Variants in ZFHX3 observed in about 807,000 individuals in gnomAD.
ZFHX3 encodes the protein zinc finger homeobox protein 3.
ZFHX3 carries 42 observed loss-of-function variants against 279.1 expected under a neutral mutation model. The observed-to-expected ratio is 0.15, with a 90% CI of 0.12 to 0.19. The LOEUF (loss-of-function observed/expected upper bound fraction) is 0.19. ZFHX3 is among the 10% of genes least tolerant of loss of function. The pLI is 1.00. For synonymous variants in ZFHX3, 2,293 were observed against 1,957.8 expected, an observed-to-expected ratio of 1.17 and a Z score of -4.52; for missense variants, 4,981 against 4,754.0, an observed-to-expected ratio of 1.05 and a Z score of -1.40.
chr16:72,928,230 G>T lies in ZFHX3; in HGVS notation c.3216+22239C>A, dbSNP rs113101109. Reference sequence around the variant, plus strand: ...GGGGAGCGAAGGGGAGCGAGGGGGAGCGAGAGAGGAAAGGGCTTAAGGGGA... The same window carrying T: ...GGGGAGCGAAGGGGAGCGAGGGGGATCGAGAGAGGAAAGGGCTTAAGGGGA... On this transcript the variant is annotated intron_variant, in intron 3 of 9. Transcript: ENST00000268489. Among the ~76,000 whole-genome samples, 25 of 81,652 alleles carry T rather than the reference G, an allele frequency of 3.1e-4. 4 individuals are homozygous for T. The highest frequency in any genetic ancestry group is 2.8e-3 in the East Asian group (11 of 3,980). 53.6% of individuals were successfully genotyped at this position (81,652 alleles called of 152,430 possible).
chr16:73,186,680 A>ATC (rs2144884052), intron 5 of ZFHX3, among the ~76,000 whole-genome samples: 1 of 151,822 alleles, frequency 6.6e-6, no homozygotes, highest in African/African-American at 2.4e-5. Flanking sequence ...TGTTTCATCC[A>ATC]TCCTATATTT....
At chr16:72,864,341 T>C (rs1291712184) in intron 4 of ZFHX3, among the ~76,000 whole-genome samples, 2 of 152,152 alleles carry the variant, frequency 1.3e-5, no homozygotes, top group African/African-American at 4.8e-5. Context: ...ACCTGGCACA[T>C]GGGAAGCTTC....
At position 73,047,737 on chromosome 16, in the gene ZFHX3, G is replaced by C. The variant is rs1261395699; in HGVS notation, c.-50+15C>G. The C allele has an allele frequency of 1.3e-5, 2 of 152,508 alleles. No homozygotes were observed. Among genetic ancestry groups the C allele is most frequent in the Non-Finnish European group, 2.9e-5 (2 of 68,290 alleles). The allele number at this position is 152,508 out of a possible 1,614,324, so 9.4% of individuals were successfully genotyped here. On this transcript the variant is annotated intron_variant, in intron 1 of 9. Coordinates refer to ENST00000268489, the MANE Select transcript of ZFHX3 (RefSeq NM_006885.4). ...CCAGGCCGGCTGCGCGGACCCGGAG[G>C]GAGGCTGCACTCACCTGGCACACCA...
chr16:73,332,173 T>C lies in ZFHX3; in HGVS notation c.-1290-13837A>G, dbSNP rs547544720. Among the ~76,000 whole-genome samples, 34 of 152,238 alleles carry C rather than the reference T, an allele frequency of 2.2e-4. 1 individual carries two copies. The South Asian group carries it at 7.0e-3, about 32-fold the overall frequency. The stretch of plus-strand genomic sequence containing the variant: ...CAGTATCCTGAAAAAGTTGACTACA[T>C]AATAAAACCAGATGATGATAAAAAC... On this transcript the variant is annotated intron_variant, in intron 3 of 17. Transcript: ENST00000641206.
intron 4 of ZFHX3, among the ~76,000 whole-genome samples, chr16:73,278,581 A>G (rs570519262): frequency 3.8e-4 from 58 of 152,360 alleles, no homozygotes; most frequent in African/African-American, 1.3e-3. Flanking sequence ...CTGAGCGAGT[A>G]GGAGGTGCTG....
intron 2 of ZFHX3, among the ~76,000 whole-genome samples, chr16:73,507,805 C>A (rs1567504525): frequency 6.6e-6 from 1 of 152,108 alleles, no homozygotes; most frequent in Non-Finnish European, 1.5e-5. Flanking sequence ...CTGGCCTCTG[C>A]CACTTTTTAC....
chr16:73,731,023 T>C (rs1317723845), intron 1 of ZFHX3, among the ~76,000 whole-genome samples: 1 of 152,174 alleles, frequency 6.6e-6, no homozygotes, highest in Non-Finnish European at 1.5e-5. Context: ...GTCAAACTAA[T>C]TTGAAAGGGC....
At chr16:73,847,084 C>G (rs1374292493) in intron 1 of ZFHX3, among the ~76,000 whole-genome samples, 2 of 143,802 alleles carry the variant, frequency 1.4e-5, no homozygotes, top group East Asian at 1.9e-4. Context: ...GGAGGATCAC[C>G]TGAGGTCAGG....
intron 2 of ZFHX3, among the ~76,000 whole-genome samples, chr16:73,674,071 G>A (rs1244711031): frequency 1.3e-5 from 2 of 152,160 alleles, no homozygotes; most frequent in Non-Finnish European, 2.9e-5. Context: ...ATCAGAAAAT[G>A]TACTCAACTC....
At chr16:73,745,952 C>A (rs2053699525) in intron 1 of ZFHX3, among the ~76,000 whole-genome samples, 1 of 152,194 alleles carries the variant, frequency 6.6e-6, no homozygotes, top group African/African-American at 2.4e-5. Context: ...ACCCTTTTGG[C>A]ACAGGACTCT....
At chr16:73,466,832 A>C (rs1305092237) in intron 2 of ZFHX3, among the ~76,000 whole-genome samples, 3 of 152,166 alleles carry the variant, frequency 2.0e-5, no homozygotes, top group African/African-American at 7.2e-5. Context: ...TGAAATTTTT[A>C]GAATGTGGGA....
At chr16:73,123,979 TAA>T (rs57407932) in intron 7 of ZFHX3, among the ~76,000 whole-genome samples, 593 of 152,344 alleles carry the variant, frequency 3.9e-3, no homozygotes, top group African/African-American at 0.013. Flanking sequence ...CTATTGTTTA[TAA>T]GTTACCCAGT....
chr16:73,523,312 A>G (rs923882465), intron 2 of ZFHX3, among the ~76,000 whole-genome samples: 1 of 152,158 alleles, frequency 6.6e-6, no homozygotes, highest in Non-Finnish European at 1.5e-5. Flanking sequence ...TCCCACTCCA[A>G]TTTCAGCCCT....
At chr16:73,192,030 G>A (rs970425882) in intron 5 of ZFHX3, among the ~76,000 whole-genome samples, 3 of 152,212 alleles carry the variant, frequency 2.0e-5, no homozygotes, top group African/African-American at 7.2e-5. Context: ...ACTTGGCTGT[G>A]TGGTGGGGGG....
At chr16:73,617,221 C>T (rs959984418) in intron 2 of ZFHX3, among the ~76,000 whole-genome samples, 6 of 152,204 alleles carry the variant, frequency 3.9e-5, no homozygotes, top group Admixed American at 1.3e-4. Context: ...ATTGATATGA[C>T]GGGCTGCTTA....
intron 5 of ZFHX3, among the ~76,000 whole-genome samples, chr16:73,151,303 G>A (rs890881437): frequency 6.6e-6 from 1 of 152,176 alleles, no homozygotes; most frequent in Non-Finnish European, 1.5e-5. Context: ...GACATGGAGG[G>A]AAGGGGAGAC....
At chr16:73,768,097 C>G (rs933598445) in intron 1 of ZFHX3, among the ~76,000 whole-genome samples, 1 of 152,164 alleles carries the variant, frequency 6.6e-6, no homozygotes, top group Admixed American at 6.5e-5. Flanking sequence ...TGCTACCAAC[C>G]CTTGGCCACT....
intron 1 of ZFHX3, among the ~76,000 whole-genome samples, chr16:73,773,361 A>T (rs1329832342): frequency 1.3e-5 from 2 of 152,134 alleles, no homozygotes; most frequent in Admixed American, 6.5e-5. Flanking sequence ...CTTGTGCTAC[A>T]TTTTCCATTA....
At chr16:73,040,474 G>C (rs1597125159) in intron 1 of ZFHX3, among the ~76,000 whole-genome samples, 1 of 152,132 alleles carries the variant, frequency 6.6e-6, no homozygotes, top group South Asian at 2.1e-4. Flanking sequence ...AAGCCAGCCG[G>C]GGAAGGCCTC....
Sources: allele counts gnomAD v4.1 joint callset (sites outside exome capture counted in the v4.1 genomes callset), GRCh38; gene constraint gnomAD v4.1.1; transcripts MANE v1.5; gene names NCBI Gene and HGNC (gene_info 2026-07-23, HGNC 2026-07-21).